The following ENTREP2 variants were observed in gnomAD, a reference collection of about 807,000 sequenced individuals.
ENTREP2 encodes the protein endosomal transmembrane epsin interactor 2, also known as protein ENTREP2.
chr15:29,530,785 G>A, the ENTREP2 span, among the ~76,000 whole-genome samples: 6 of 152,114 alleles, frequency 3.9e-5, no homozygotes, highest in South Asian at 8.3e-4. Context: ...GTGAGAATAC[G>A]GTGCACTTTC....
the ENTREP2 span, among the ~76,000 whole-genome samples, chr15:29,511,313 A>G: frequency 6.6e-6 from 1 of 151,644 alleles, no homozygotes; most frequent in African/African-American, 2.4e-5. Context: ...AGAGTGTCAG[A>G]GATTTTACTT....
chr15:29,309,107 G>T, the ENTREP2 span, among the ~76,000 whole-genome samples: 85 of 152,232 alleles, frequency 5.6e-4, no homozygotes, highest in African/African-American at 2.0e-3. Context: ...AATCTGTCTT[G>T]TGTCAATTTA....
the ENTREP2 span, chr15:29,570,060 C>T: frequency 7.2e-6 from 1 of 138,658 alleles, no homozygotes; most frequent in East Asian, 2.5e-4. Context: ...CACCCCCCAC[C>T]CCCACCGCCC....
At chr15:29,367,600 C>G in the ENTREP2 span, among the ~76,000 whole-genome samples, 1 of 152,128 alleles carries the variant, frequency 6.6e-6, no homozygotes, top group Non-Finnish European at 1.5e-5. Flanking sequence ...TACAGAGTGC[C>G]ACATGCATGC....
chr15:29,238,380 C>T, the ENTREP2 span, among the ~76,000 whole-genome samples: 1 of 152,118 alleles, frequency 6.6e-6, no homozygotes, highest in Admixed American at 6.5e-5. Context: ...CGCCTGTAAT[C>T]CCAGCACTTT....
chr15:29,473,449 G>A, the ENTREP2 span, among the ~76,000 whole-genome samples: 1 of 152,196 alleles, frequency 6.6e-6, no homozygotes, highest in South Asian at 2.1e-4. Flanking sequence ...AGCATGCCTG[G>A]ATCTTCCAAT....
the ENTREP2 span, among the ~76,000 whole-genome samples, chr15:29,191,329 C>T: frequency 1.3e-5 from 2 of 151,966 alleles, no homozygotes; most frequent in Admixed American, 1.3e-4. Flanking sequence ...TAGGAATCTG[C>T]CTTAGTGCTT....
chr15:29,571,063 C>T, the ENTREP2 span, among the ~76,000 whole-genome samples: 1 of 147,664 alleles, frequency 6.8e-6, no homozygotes, highest in African/African-American at 2.5e-5. Context: ...GAGCCGCTGC[C>T]GTCCCCGGGC....
At chr15:29,199,911 T>G in the ENTREP2 span, among the ~76,000 whole-genome samples, 1 of 152,218 alleles carries the variant, frequency 6.6e-6, no homozygotes, top group African/African-American at 2.4e-5. Flanking sequence ...ATATGAGACT[T>G]GGGATGAGGT....
the ENTREP2 span, among the ~76,000 whole-genome samples, chr15:29,528,440 T>C: frequency 6.6e-6 from 1 of 151,614 alleles, no homozygotes; most frequent in Non-Finnish European, 1.5e-5. Flanking sequence ...CCAGTAGAAA[T>C]CCAGCCGCTA....
the ENTREP2 span, among the ~76,000 whole-genome samples, chr15:29,637,934 C>T: frequency 2.0e-5 from 3 of 151,996 alleles, no homozygotes; most frequent in Non-Finnish European, 4.4e-5. Flanking sequence ...TGAAGATGGT[C>T]GGAGTTATTG....
chr15:29,317,521 T>A, the ENTREP2 span, among the ~76,000 whole-genome samples: 1 of 152,138 alleles, frequency 6.6e-6, no homozygotes, highest in African/African-American at 2.4e-5. Flanking sequence ...ATTCAAAGAC[T>A]CAATCAAATT....
At chr15:29,437,081 C>T in the ENTREP2 span, among the ~76,000 whole-genome samples, 6 of 152,172 alleles carry the variant, frequency 3.9e-5, no homozygotes, top group African/African-American at 1.2e-4. Flanking sequence ...ATTAGTTATC[C>T]GAAACCAAAG....
At chr15:29,496,889 G>C in the ENTREP2 span, among the ~76,000 whole-genome samples, 1 of 152,118 alleles carries the variant, frequency 6.6e-6, no homozygotes, top group African/African-American at 2.4e-5. Context: ...GCCTGGCTTT[G>C]CTATCAGGGT....
the ENTREP2 span, among the ~76,000 whole-genome samples, chr15:29,656,408 A>G: frequency 6.6e-6 from 1 of 152,060 alleles, no homozygotes; most frequent in Non-Finnish European, 1.5e-5. Flanking sequence ...CGTATTTTTA[A>G]TAGACACGAA....
At chr15:29,453,437 T>G in the ENTREP2 span, among the ~76,000 whole-genome samples, 13 of 152,266 alleles carry the variant, frequency 8.5e-5, no homozygotes, top group East Asian at 2.5e-3. Context: ...ATACAATAAA[T>G]ATCTACTGCT....
chr15:29,559,832 G>A, the ENTREP2 span, among the ~76,000 whole-genome samples: 11 of 152,092 alleles, frequency 7.2e-5, no homozygotes, highest in Non-Finnish European at 1.2e-4. Flanking sequence ...TTTGCCATGT[G>A]AGACACAGAT....
the ENTREP2 span, among the ~76,000 whole-genome samples, chr15:29,213,861 T>C: frequency 6.6e-6 from 1 of 152,118 alleles, no homozygotes; most frequent in African/African-American, 2.4e-5. Context: ...AAAACAACCC[T>C]ATCTAAAAGT....
At chr15:29,497,341 T>C in the ENTREP2 span, among the ~76,000 whole-genome samples, 1 of 152,218 alleles carries the variant, frequency 6.6e-6, no homozygotes, top group Non-Finnish European at 1.5e-5. Flanking sequence ...GAAGCACTGG[T>C]ATTAATTCTT....
Sources: allele counts gnomAD v4.1 joint callset (sites outside exome capture counted in the v4.1 genomes callset), GRCh38; gene constraint gnomAD v4.1.1; transcripts MANE v1.5; gene names NCBI Gene and HGNC (gene_info 2026-07-23, HGNC 2026-07-21).